PITPNM3: variants seen among roughly 807,000 people sequenced by gnomAD.
The protein encoded by PITPNM3 is membrane-associated phosphatidylinositol transfer protein 3.
PITPNM3 carries 26 observed loss-of-function variants against 102.0 expected under a neutral mutation model. That is an observed-to-expected ratio of 0.25 (90% CI 0.19 to 0.35). The LOEUF (loss-of-function observed/expected upper bound fraction) is 0.35, where lower values mean the gene tolerates loss of function less well. Among genes scored for constraint, PITPNM3 ranks in the 10% least tolerant of loss-of-function variants. The probability of loss-of-function intolerance (pLI) is 1.00; values close to 1 mark genes in which losing one functional copy is unlikely to be tolerated. For synonymous variants in PITPNM3, 578 were observed against 558.6 expected (o/e 1.03, Z -0.49); for missense variants, 1,083 against 1,346.1 (o/e 0.80, Z 3.06).
rs554495556 is a variant in PITPNM3 at position 6,478,086 on chromosome 17, G to A, written c.789C>T (p.Ile263=). The A allele has an allele frequency of 8.0e-5, 129 of 1,613,466 alleles. No individual in the cohort carries two copies. Among genetic ancestry groups the A allele is most frequent in the South Asian group, 2.6e-4 (24 of 91,088 alleles). The change falls in exon 8 of 20, where the codon ATC becomes ATT. Residue 263 remains isoleucine, a synonymous_variant. Coordinates refer to ENST00000262483, the MANE Select transcript of PITPNM3 (RefSeq NM_031220.4). This position sits in a 1 kb window ranked among gnomAD's most constrained non-coding sequence, Gnocchi z 4.4. ...CCAGGAGGCCCCCCACACAGTCCCC[G>A]ATGAGACACACCTGGAAGAGATGCA... ...GIGFSGQVCL[I]GDCVGGLLAF...
intron 2 of PITPNM3, among the ~76,000 whole-genome samples, chr17:6,536,207 T>C (rs1808939): frequency 0.74 from 112,089 of 151,922 alleles, 42,001 homozygotes; most frequent in African/African-American, 0.87. Context: ...ACAGAGACAA[T>C]GGAGGGGCCA....
chr17:6,493,256 T>A (rs1430659400), intron 4 of PITPNM3, among the ~76,000 whole-genome samples: 1 of 152,220 alleles, frequency 6.6e-6, no homozygotes, highest in Non-Finnish European at 1.5e-5. Context: ...GCCCTGCCCC[T>A]GCAGCTCAGG....
chr17:6,456,139 T>G (rs1914106662), intron 19 of PITPNM3, among the ~76,000 whole-genome samples: 1 of 152,196 alleles, frequency 6.6e-6, no homozygotes, highest in African/African-American at 2.4e-5. Flanking sequence ...TACTCCAGCC[T>G]CAGCCTCCCG....
At chr17:6,511,236 C>G (rs1907848019) in intron 3 of PITPNM3, among the ~76,000 whole-genome samples, 1 of 152,214 alleles carries the variant, frequency 6.6e-6, no homozygotes, top group African/African-American at 2.4e-5. Flanking sequence ...CAACAAAGAC[C>G]TACTTGCCAA....
At chr17:6,515,413 AAAAG>A (rs1567683837) in intron 3 of PITPNM3, among the ~76,000 whole-genome samples, 23 of 151,406 alleles carry the variant, frequency 1.5e-4, no homozygotes, top group South Asian at 4.2e-4. Context: ...AAAAAAAAAA[AAAAG>A]AAAGAAAGAA....
intron 2 of PITPNM3, among the ~76,000 whole-genome samples, chr17:6,527,864 G>A (rs1205913990): frequency 6.6e-6 from 1 of 152,224 alleles, no homozygotes. Flanking sequence ...AGTGCCATAA[G>A]TCCTGTCCCA....
At chr17:6,511,500 G>C (rs1054249120) in intron 3 of PITPNM3, among the ~76,000 whole-genome samples, 5 of 152,150 alleles carry the variant, frequency 3.3e-5, no homozygotes, top group Non-Finnish European at 7.4e-5. Flanking sequence ...GGCAGGACTG[G>C]TTACATAATT....
At chr17:6,530,968 C>T (rs1022181902) in intron 2 of PITPNM3, among the ~76,000 whole-genome samples, 2 of 152,216 alleles carry the variant, frequency 1.3e-5, no homozygotes, top group African/African-American at 4.8e-5. Context: ...AGCTGTGCCA[C>T]TGGCCCACGG....
chr17:6,508,974 A>C (rs1907710987), intron 3 of PITPNM3, among the ~76,000 whole-genome samples: 1 of 152,164 alleles, frequency 6.6e-6, no homozygotes. Flanking sequence ...ATGAGACCCC[A>C]CTTAGCCTAG....
At position 6,469,732 on chromosome 17, in the gene PITPNM3, A is replaced by C. The variant is rs1904967842; in HGVS notation, c.1773+528T>G. 6.6e-6 allele frequency among the ~76,000 whole-genome samples: 1 copy of C among 152,126 alleles called. No individual in the cohort carries two copies. Among genetic ancestry groups the C allele is most frequent in the African/African-American group, 2.4e-5 (1 of 41,420 alleles). ...AGCCTCAGCCTCAGGGTTTCCTTCAAAAAACACAAGCCAGTTGCTATTTCT... is the reference window on the plus strand; with the variant it reads ...AGCCTCAGCCTCAGGGTTTCCTTCACAAAACACAAGCCAGTTGCTATTTCT... On this transcript the variant is annotated intron_variant, in intron 13 of 19. Transcript: ENST00000262483. The surrounding 1 kb of genome is among the most constrained non-coding windows in gnomAD (Gnocchi z 4.0).
chr17:6,487,982 G>A (rs1161172856), intron 4 of PITPNM3, among the ~76,000 whole-genome samples: 1 of 152,174 alleles, frequency 6.6e-6, no homozygotes, highest in African/African-American at 2.4e-5. Flanking sequence ...CAAAAGCCAG[G>A]AATGCTTTGC....
In PITPNM3 at chr17:6,477,052, G is replaced by C; in HGVS notation, c.1062C>G (p.Thr354=). The C allele has an allele frequency of 6.2e-7, 1 of 1,614,152 alleles. No homozygotes were observed. The highest frequency in any genetic ancestry group is 1.1e-5 in the South Asian group (1 of 91,074). The change falls in exon 9 of 20, where the codon ACC becomes ACG. Residue 354 remains threonine (T), a synonymous_variant. Coordinates refer to ENST00000262483, the MANE Select transcript of PITPNM3 (RefSeq NM_031220.4). ...DSSTYDCEAI[T]QHHAFLSSIH... ...ACCTTGAGAGGAAGGCATGGTGCTGGGTGATGGCCTCGCAGTCATAGGTGG... is the reference window on the plus strand; with the variant it reads ...ACCTTGAGAGGAAGGCATGGTGCTGCGTGATGGCCTCGCAGTCATAGGTGG...
chr17:6,500,006 C>T (rs1341811895), intron 4 of PITPNM3, among the ~76,000 whole-genome samples: 2 of 152,202 alleles, frequency 1.3e-5, no homozygotes, highest in South Asian at 2.1e-4. Context: ...GCTGGGACTA[C>T]AGGCATGAGC....
intron 5 of PITPNM3, 99 bp downstream of exon 5, chr17:6,484,117 G>T: frequency 7.5e-7 from 1 of 1,328,188 alleles, no homozygotes; most frequent in Non-Finnish European, 1.1e-6. Flanking sequence ...CAAGTCAGAC[G>T]AAGAGCTGGA....
chr17:6,553,700 C>T (rs1450596545), intron 1 of PITPNM3, among the ~76,000 whole-genome samples: 3 of 152,192 alleles, frequency 2.0e-5, no homozygotes, highest in Non-Finnish European at 4.4e-5. Context: ...GTGCCACAGC[C>T]TCCACTCCTG....
intron 5 of PITPNM3, 52 bp downstream of exon 5, chr17:6,484,164 T>G: frequency 6.6e-7 from 1 of 1,526,056 alleles, no homozygotes; most frequent in Non-Finnish European, 9.1e-7. Flanking sequence ...GGGCTCTTGC[T>G]AAAATCCTGG....
intron 1 of PITPNM3, among the ~76,000 whole-genome samples, chr17:6,554,977 ACACT>A (rs1410186683): frequency 6.6e-6 from 1 of 152,288 alleles, no homozygotes; most frequent in Non-Finnish European, 1.5e-5. Context: ...GTGCACACAC[ACACT>A]CACACACACA....
At position 6,457,534 on chromosome 17, in the gene PITPNM3, C is replaced by T. The variant is rs1232634538; in HGVS notation, c.2619+60G>A. 6.8e-6 allele frequency: 11 copies of T among 1,608,744 alleles called. No individual in the cohort carries two copies. Among genetic ancestry groups the T allele is most frequent in the Non-Finnish European group, 3.4e-6 (4 of 1,177,084 alleles). The stretch of plus-strand genomic sequence containing the variant: ...AATGAATGAATGAAGTGCTTACTCC[C>T]TCTATCCCTTTCCCTGACCTCCCTC... On this transcript the variant is annotated intron_variant, in intron 19 of 19. Transcript: ENST00000262483. This position sits in a 1 kb window ranked among gnomAD's most constrained non-coding sequence, Gnocchi z 4.7.
chr17:6,482,080 C>T (rs1905775250), intron 6 of PITPNM3, among the ~76,000 whole-genome samples: 1 of 145,908 alleles, frequency 6.9e-6, no homozygotes, highest in Non-Finnish European at 1.5e-5. Flanking sequence ...CTCTCTCTCT[C>T]TCTCTCTGAC....
Sources: allele counts gnomAD v4.1 joint callset (sites outside exome capture counted in the v4.1 genomes callset), GRCh38; gene constraint gnomAD v4.1.1; non-coding constraint Gnocchi (gnomAD v3.1); transcripts MANE v1.5; gene names NCBI Gene and HGNC (gene_info 2026-07-23, HGNC 2026-07-21).